Variants in GAD2 observed in about 807,000 individuals in gnomAD.
GAD2 encodes glutamate decarboxylase 2, also known as 65 kDa glutamic acid decarboxylase.
In GAD2, 22 loss-of-function variants were observed where a neutral mutation model predicts 80.1. The ratio of observed to expected loss-of-function variants is 0.27; its 90% confidence interval spans 0.20 to 0.39. The LOEUF (loss-of-function observed/expected upper bound fraction) is 0.39, where lower values mean the gene tolerates loss of function less well. Among genes scored for constraint, GAD2 ranks in the 10% least tolerant of loss-of-function variants. The pLI is 1.00. For missense variants in GAD2, 624 were observed against 738.4 expected (o/e 0.85, Z 1.80); for synonymous variants, 274 against 256.9 (o/e 1.07, Z -0.64).
intron 7 of GAD2, among the ~76,000 whole-genome samples, chr10:26,233,104 T>G (rs1844626205): frequency 6.6e-6 from 1 of 152,180 alleles, no homozygotes; most frequent in Non-Finnish European, 1.5e-5. Flanking sequence ...ATGGGACAAG[T>G]AGAACAGAGA....
chr10:26,250,395 C>A (rs1342577409), intron 8 of GAD2, among the ~76,000 whole-genome samples: 1 of 152,154 alleles, frequency 6.6e-6, no homozygotes, highest in Non-Finnish European at 1.5e-5. Flanking sequence ...CTCTCTAGTA[C>A]CCCTGTCTAC....
At chr10:26,252,347 C>CTT (rs1218101121) in intron 8 of GAD2, among the ~76,000 whole-genome samples, 1,921 of 150,098 alleles carry the variant, frequency 0.013, 36 homozygotes, top group African/African-American at 0.044. Flanking sequence ...ATTTTTTTTT[C>CTT]TTTTTTTCTT....
At chr10:26,250,566 A>G (rs11015015) in intron 8 of GAD2, among the ~76,000 whole-genome samples, 38,921 of 151,818 alleles carry the variant, frequency 0.26, 5,995 homozygotes, top group African/African-American at 0.43. Context: ...GAGCAAACAG[A>G]GTAAGAAATA....
chr10:26,270,640 G>T lies in GAD2; in HGVS notation c.976G>T (p.Gly326Trp). 1 of 1,608,746 alleles carries T rather than the reference G, an allele frequency of 6.2e-7. No homozygotes were observed. The highest frequency in any genetic ancestry group is 8.5e-7 in the Non-Finnish European group (1 of 1,175,074). Residue 326 changes from glycine (G) to tryptophan (W), a missense_variant and splice_region_variant, in exon 10 of 16, where the codon GGG (glycine) becomes TGG (tryptophan). By Grantham distance (184) the Gly-to-Trp change is radical. Coordinates refer to ENST00000376261, the MANE Select transcript of GAD2 (RefSeq NM_001134366.2). ...ATTTGGGGCTTTCTCGTTCGCACAG[G>T]GGTTTGTTCCTTTCCTCGTGAGTGC... is the stretch of plus-strand genomic sequence containing the variant. Reference protein sequence around the residue: ...ERRILEAKQKGFVPFLVSATA... With the variant: ...ERRILEAKQKWFVPFLVSATA...
chr10:26,281,451 T>C (rs1471856379), intron 12 of GAD2, among the ~76,000 whole-genome samples: 5 of 152,186 alleles, frequency 3.3e-5, no homozygotes, highest in Non-Finnish European at 5.9e-5. Flanking sequence ...TCATTTTTCC[T>C]ATATAACAAA....
chr10:26,268,325 A>G (rs1845095178), intron 8 of GAD2, among the ~76,000 whole-genome samples: 2 of 151,928 alleles, frequency 1.3e-5, no homozygotes, highest in African/African-American at 2.4e-5. Flanking sequence ...AAAATTAGCC[A>G]GGCATGGTGG....
Position 26,301,062 on chromosome 10 carries a change from C to T in GAD2, c.*101C>T. ...AGTTTGTTCCAAAGTAAATCTATTTCTATATTGTGGTGTCAAAGTAGAGTT... is the reference window on the plus strand; with the variant it reads ...AGTTTGTTCCAAAGTAAATCTATTTTTATATTGTGGTGTCAAAGTAGAGTT... On this transcript the variant is annotated 3_prime_UTR_variant, in exon 16 of 16. Coordinates refer to ENST00000376261, the MANE Select transcript of GAD2 (RefSeq NM_001134366.2). The T allele has an allele frequency of 9.7e-7, 1 of 1,035,670 alleles. No homozygotes were observed. Among genetic ancestry groups the T allele is most frequent in the Non-Finnish European group, 1.4e-6 (1 of 693,792 alleles). The allele number at this position is 1,035,670 out of a possible 1,614,324, so 64.2% of individuals were successfully genotyped here. A position where few individuals can be genotyped will look rare whatever the true frequency, so the allele number is the denominator to read the frequency against.
intron 3 of GAD2, among the ~76,000 whole-genome samples, chr10:26,218,525 A>G (rs1844411162): frequency 6.8e-6 from 1 of 146,566 alleles, no homozygotes; most frequent in African/African-American, 2.6e-5. Context: ...ATGCAGACAC[A>G]CATGCATACG....
intron 7 of GAD2, 33 bp from the exon 8 acceptor site, chr10:26,245,888 A>G: frequency 6.6e-7 from 1 of 1,514,568 alleles, no homozygotes; most frequent in Non-Finnish European, 9.2e-7. Context: ...CTGTATATGG[A>G]ACTAATTGCA....
chr10:26,269,557 T>C (rs1425367408), intron 9 of GAD2, among the ~76,000 whole-genome samples: 1 of 152,198 alleles, frequency 6.6e-6, no homozygotes, highest in African/African-American at 2.4e-5. Context: ...GTTTTTCCCG[T>C]GTAGGTGCAT....
intron 11 of GAD2, among the ~76,000 whole-genome samples, chr10:26,276,927 G>C (rs1845215035): frequency 6.6e-6 from 1 of 152,242 alleles, no homozygotes; most frequent in Non-Finnish European, 1.5e-5. Context: ...CTGCATGGGT[G>C]CAAAGACGAG....
chr10:26,257,507 A>G (rs74866589), intron 8 of GAD2, among the ~76,000 whole-genome samples: 1,667 of 152,314 alleles, frequency 0.011, 24 homozygotes, highest in African/African-American at 0.038. Flanking sequence ...TTGTTGTAAA[A>G]CCTTACAGAA....
chr10:26,277,464 T>G (rs1011407003), intron 11 of GAD2, among the ~76,000 whole-genome samples: 39 of 152,204 alleles, frequency 2.6e-4, no homozygotes, highest in African/African-American at 7.5e-4. Context: ...ATGGAAAACC[T>G]TTGCTGCAGG....
intron 6 of GAD2, among the ~76,000 whole-genome samples, chr10:26,225,902 G>A (rs7079102): frequency 0.13 from 19,097 of 152,096 alleles, 3,991 homozygotes; most frequent in African/African-American, 0.43. Flanking sequence ...CCTTTGGAAA[G>A]CCATCCCTGT....
intron 8 of GAD2, among the ~76,000 whole-genome samples, chr10:26,268,825 T>C (rs1845101132): frequency 6.6e-6 from 1 of 152,202 alleles, no homozygotes; most frequent in South Asian, 2.1e-4. Flanking sequence ...TTGTTTTAAC[T>C]GAATTAAGAG....
At position 26,217,893 on chromosome 10, in the gene GAD2, C is replaced by T. The variant is rs781515916; in HGVS notation, c.188C>T (p.Pro63Leu). 6.2e-6 allele frequency: 10 copies of T among 1,607,204 alleles called. No individual in the cohort carries two copies. The highest frequency in any genetic ancestry group is 5.1e-5 in the Admixed American group (3 of 59,376). ...EKPAESGGSQ[P>L]PRAAARKAAC... ...CCGGCGGAGAGCGGCGGGAGCCAAC[C>T]CCCGCGGGCCGCCGCCCGGAAGGCC... The change falls in exon 3 of 16, where the codon CCC becomes CTC. Residue 63 changes from proline to leucine, a missense_variant. By Grantham distance (98) the Pro-to-Leu change is moderately conservative. Transcript: ENST00000376261. This position sits in a 1 kb window ranked among gnomAD's most constrained non-coding sequence, Gnocchi z 4.9.
intron 8 of GAD2, among the ~76,000 whole-genome samples, chr10:26,258,770 C>T (rs749131026): frequency 5.3e-5 from 6 of 113,090 alleles, no homozygotes; most frequent in African/African-American, 1.4e-4. Flanking sequence ...TTTGTTTATC[C>T]GTTCATCCAT....
At chr10:26,263,891 CAT>C (rs1405392122) in intron 8 of GAD2, among the ~76,000 whole-genome samples, 2 of 152,182 alleles carry the variant, frequency 1.3e-5, no homozygotes, top group Non-Finnish European at 2.9e-5. Context: ...GGACATTTTG[CAT>C]ATGTCATTAC....
intron 6 of GAD2, 84 bp downstream of exon 6, chr10:26,224,735 G>C: frequency 1.0e-6 from 1 of 962,766 alleles, no homozygotes. Context: ...TAAAAATCTA[G>C]CCTATGCCTC....
Sources: allele counts gnomAD v4.1 joint callset (sites outside exome capture counted in the v4.1 genomes callset), GRCh38; gene constraint gnomAD v4.1.1; non-coding constraint Gnocchi (gnomAD v3.1); transcripts MANE v1.5; gene names NCBI Gene and HGNC (gene_info 2026-07-23, HGNC 2026-07-21).